MAD1L1: variants seen among roughly 807,000 people sequenced by gnomAD.
The protein encoded by MAD1L1 is mitotic arrest deficient 1 like 1.
In MAD1L1, 95 loss-of-function variants were observed where a neutral mutation model predicts 96.9. The ratio of observed to expected loss-of-function variants is 0.98; its 90% CI spans 0.83 to 1.16. The LOEUF is 1.16. MAD1L1 is among the 50% of genes most tolerant of loss of function. The pLI is 0.00. For synonymous variants in MAD1L1, 473 were observed against 396.6 expected (o/e 1.19, Z -2.29); for missense variants, 1,007 against 954.4 (o/e 1.06, Z -0.73).
chr7:2,181,594 T>G (rs1791202140), intron 10 of MAD1L1, among the ~76,000 whole-genome samples: 1 of 152,218 alleles, frequency 6.6e-6, no homozygotes, highest in Admixed American at 6.5e-5. Flanking sequence ...CTCGTGGGAA[T>G]GGAAACTAGT....
intron 10 of MAD1L1, among the ~76,000 whole-genome samples, chr7:2,180,939 G>A (rs1181264664): frequency 6.6e-6 from 1 of 152,160 alleles, no homozygotes; most frequent in Non-Finnish European, 1.5e-5. Flanking sequence ...ATGCTGAACA[G>A]AAGTGGAGAA....
At position 2,219,411 on chromosome 7, in the gene MAD1L1, C is replaced by T. The variant is rs374019420; in HGVS notation, c.517G>A (p.Val173Met). ...TTCACCCGCATCTCCTGGTCCATCA[C>T]GCTCCACTGCAGTTCCGAGATCCTC... Reference protein sequence around the residue: ...KGRISELQWSVMDQEMRVKRL... With the variant: ...KGRISELQWSMMDQEMRVKRL... The change falls in exon 6 of 19, where the codon GTG becomes ATG. Residue 173 changes from valine to methionine, a missense_variant. By Grantham distance (21) the Val-to-Met change is conservative. Transcript: ENST00000265854. The T allele has an allele frequency of 2.4e-5, 38 of 1,613,098 alleles. No individual in the cohort carries two copies. The highest frequency in any genetic ancestry group is 1.1e-4 in the African/African-American group (8 of 74,992).
In MAD1L1 at chr7:2,146,676, G is replaced by A. The variant is rs548158112; in HGVS notation, c.1073+2476C>T. Among the ~76,000 whole-genome samples the A allele has an allele frequency of 3.9e-5, 6 of 152,228 alleles. No individual in the cohort carries two copies. The highest frequency in any genetic ancestry group is 6.5e-5 in the Admixed American group (1 of 15,284). ...CTTTCAATGAGAAACAAACAAAAGTGACTTTAAAATGAGGCCCGCCTGGCA... is the reference window on the plus strand; with the variant it reads ...CTTTCAATGAGAAACAAACAAAAGTAACTTTAAAATGAGGCCCGCCTGGCA... On this transcript the variant is annotated intron_variant, in intron 11 of 18. Coordinates refer to ENST00000265854, the MANE Select transcript of MAD1L1 (RefSeq NM_001013836.2). This position sits in a 1 kb window ranked among gnomAD's most constrained non-coding sequence, Gnocchi z 6.2.
chr7:1,838,552 T>TA, intron 18 of MAD1L1: 1 of 351,808 alleles, frequency 2.8e-6, no homozygotes, highest in East Asian at 7.5e-5. Flanking sequence ...GTGAAAACCT[T>TA]ACGCTCAGCG....
chr7:2,186,825 G>A (rs1000612957), intron 10 of MAD1L1, among the ~76,000 whole-genome samples: 12 of 146,694 alleles, frequency 8.2e-5, no homozygotes, highest in East Asian at 4.0e-4. Context: ...ACGGACTCTC[G>A]CTCTGTCCCC....
At chr7:2,084,136 G>A (rs576338666) in intron 11 of MAD1L1, among the ~76,000 whole-genome samples, 2 of 152,258 alleles carry the variant, frequency 1.3e-5, no homozygotes, top group African/African-American at 2.4e-5. Context: ...GGCAGGGTGT[G>A]CGGTGGACAC....
chr7:2,083,476 C>T (rs1004288844), intron 11 of MAD1L1, among the ~76,000 whole-genome samples: 4 of 152,208 alleles, frequency 2.6e-5, no homozygotes, highest in African/African-American at 7.2e-5. Flanking sequence ...AGAGGAGGTG[C>T]GGGGTGAGTG....
At chr7:2,080,943 T>A (rs1785610246) in intron 11 of MAD1L1, among the ~76,000 whole-genome samples, 1 of 152,300 alleles carries the variant, frequency 6.6e-6, no homozygotes, top group Admixed American at 6.5e-5. Flanking sequence ...TTTGTGACAT[T>A]ATATCTTGGC....
chr7:2,018,993 T>C (rs1183350756), intron 12 of MAD1L1, among the ~76,000 whole-genome samples: 2 of 152,048 alleles, frequency 1.3e-5, no homozygotes, highest in East Asian at 1.9e-4. Context: ...GAAAAGGAAA[T>C]GTATGGTCAT....
chr7:2,191,066 A>T (rs1157069275), intron 10 of MAD1L1, among the ~76,000 whole-genome samples: 1 of 152,276 alleles, frequency 6.6e-6, no homozygotes, highest in Non-Finnish European at 1.5e-5. Flanking sequence ...ATTAAAAATT[A>T]TGGTATATCC....
intron 3 of MAD1L1, 99 bp from the exon 4 acceptor site, chr7:2,225,649 C>T: frequency 1.0e-5 from 13 of 1,291,240 alleles, no homozygotes; most frequent in Non-Finnish European, 1.4e-5. Context: ...AGGACCCATT[C>T]CCGCAGGTCC....
chr7:2,072,001 G>A (rs10950536), intron 11 of MAD1L1, among the ~76,000 whole-genome samples: 87,991 of 152,114 alleles, frequency 0.58, 25,787 homozygotes, highest in East Asian at 0.82. Context: ...ATAAACTGGT[G>A]AACATACGTT....
At chr7:2,174,231 T>C (rs928810760) in intron 10 of MAD1L1, among the ~76,000 whole-genome samples, 2 of 152,216 alleles carry the variant, frequency 1.3e-5, no homozygotes, top group Non-Finnish European at 2.9e-5. Context: ...AAAATTATTT[T>C]CCTGCAACTC....
chr7:1,893,663 C>A (rs1231390217), intron 18 of MAD1L1, among the ~76,000 whole-genome samples: 1 of 152,108 alleles, frequency 6.6e-6, no homozygotes, highest in Non-Finnish European at 1.5e-5. Flanking sequence ...TGATGCTCAG[C>A]CCCCTGAGGA....
chr7:2,108,568 G>A (rs893575330), intron 11 of MAD1L1, among the ~76,000 whole-genome samples: 3 of 152,126 alleles, frequency 2.0e-5, no homozygotes, highest in African/African-American at 7.2e-5. Context: ...CTGTGTTTAG[G>A]TCTAAAAAGC....
At chr7:1,901,314 C>T (rs1194092438) in intron 17 of MAD1L1, among the ~76,000 whole-genome samples, 1 of 152,216 alleles carries the variant, frequency 6.6e-6, no homozygotes, top group African/African-American at 2.4e-5. Flanking sequence ...GCTTTCTTGT[C>T]GGTTGCTCTC....
intron 14 of MAD1L1, among the ~76,000 whole-genome samples, chr7:1,996,191 G>A (rs1178306354): frequency 1.3e-5 from 2 of 150,156 alleles, no homozygotes; most frequent in Non-Finnish European, 3.0e-5. Context: ...TGGGCGGGCA[G>A]GGTCCCCCCG....
At chr7:2,098,297 G>A (rs928002605) in intron 11 of MAD1L1, among the ~76,000 whole-genome samples, 1 of 152,214 alleles carries the variant, frequency 6.6e-6, no homozygotes, top group African/African-American at 2.4e-5. Context: ...AAGGCGCATG[G>A]CAAACACCCT....
At chr7:1,979,898 A>G (rs1404341827) in intron 15 of MAD1L1, among the ~76,000 whole-genome samples, 1 of 152,204 alleles carries the variant, frequency 6.6e-6, no homozygotes, top group Non-Finnish European at 1.5e-5. Context: ...TCTGAGCGTC[A>G]GGGACACTGA....
Sources: allele counts gnomAD v4.1 joint callset (sites outside exome capture counted in the v4.1 genomes callset), GRCh38; gene constraint gnomAD v4.1.1; non-coding constraint Gnocchi (gnomAD v3.1); transcripts MANE v1.5; gene names NCBI Gene and HGNC (gene_info 2026-07-23, HGNC 2026-07-21).